Variants in EYS observed in about 807,000 individuals in gnomAD.
EYS encodes the protein EGF-like photoreceptor maintenance factor, also known as protein eyes shut homolog.
EYS carries 250 observed loss-of-function variants against 282.1 expected under a neutral mutation model. The observed-to-expected ratio is 0.89, with a 90% CI of 0.80 to 0.98. EYS has a LOEUF of 0.98. Among genes scored for constraint, EYS ranks in the 50% least tolerant of loss-of-function variants. EYS has a pLI of 0.00. For synonymous variants in EYS, 1,355 were observed against 1,282.9 expected (o/e 1.06, Z -1.20); for missense variants, 4,016 against 3,709.0 (o/e 1.08, Z -2.15).
At position 64,467,374 on chromosome 6, in the gene EYS, T is replaced by C. The variant is rs188061354; in HGVS notation, c.5645-28022A>G. Reference sequence around the variant, plus strand: ...ATTTGAAAAACTGATTTGACATAATTAAGAAAAATTTAATTTTTTTACCCT... The same window carrying C: ...ATTTGAAAAACTGATTTGACATAATCAAGAAAAATTTAATTTTTTTACCCT... On this transcript the variant is annotated intron_variant, in intron 26 of 42. Coordinates refer to ENST00000503581, the MANE Select transcript of EYS (RefSeq NM_001142800.2). Among the ~76,000 whole-genome samples, 5 of 152,298 alleles carry C rather than the reference T, an allele frequency of 3.3e-5. No individual in the cohort carries two copies. The East Asian group carries it at 9.6e-4, about 29-fold the overall frequency.
chr6:65,295,709 T>A, intron 12 of EYS, 154 bp downstream of exon 12: 3 of 588,304 alleles, frequency 5.1e-6, no homozygotes, highest in Non-Finnish European at 8.0e-6. Context: ...ATTATTCAAG[T>A]GAATGCATTT....
chr6:64,783,119 G>A (rs1773911586), intron 22 of EYS, among the ~76,000 whole-genome samples: 1 of 152,050 alleles, frequency 6.6e-6, no homozygotes, highest in Non-Finnish European at 1.5e-5. Context: ...CAGTCACATA[G>A]CAGCCATCTT....
intron 14 of EYS, among the ~76,000 whole-genome samples, chr6:64,989,486 T>TAA (rs1216944673): frequency 1.9e-4 from 24 of 125,502 alleles, no homozygotes; most frequent in Non-Finnish European, 3.2e-4. Flanking sequence ...TATATATATA[T>TAA]AAGAATATAT....
intron 22 of EYS, among the ~76,000 whole-genome samples, chr6:64,761,046 A>AT (rs1255889386): frequency 6.6e-6 from 1 of 152,182 alleles, no homozygotes; most frequent in East Asian, 1.9e-4. Context: ...TTTCTGTCAC[A>AT]TTTTTCTACC....
chr6:64,123,730 C>T (rs1169979175), intron 31 of EYS, among the ~76,000 whole-genome samples: 1 of 152,140 alleles, frequency 6.6e-6, no homozygotes, highest in East Asian at 1.9e-4. Context: ...GAAATGTCCC[C>T]TTTAGGGCCT....
intron 5 of EYS, among the ~76,000 whole-genome samples, chr6:65,452,710 T>A (rs1005800885): frequency 1.3e-5 from 2 of 152,066 alleles, no homozygotes; most frequent in Admixed American, 1.3e-4. Flanking sequence ...TATTCCAGCC[T>A]GAGGGAACTA....
intron 12 of EYS, among the ~76,000 whole-genome samples, chr6:65,064,555 T>C (rs1773685975): frequency 6.8e-6 from 1 of 147,864 alleles, no homozygotes; most frequent in African/African-American, 2.5e-5. Context: ...ACTAATATAC[T>C]CTGCTATATA....
intron 2 of EYS, among the ~76,000 whole-genome samples, chr6:65,625,724 T>G (rs1273052476): frequency 6.6e-6 from 1 of 152,222 alleles, no homozygotes; most frequent in Admixed American, 6.5e-5. Context: ...AATTGAAAAC[T>G]TGCATCAAAC....
chr6:65,136,415 G>T (rs533292194), intron 12 of EYS, among the ~76,000 whole-genome samples: 5 of 151,904 alleles, frequency 3.3e-5, no homozygotes, highest in African/African-American at 1.2e-4. Flanking sequence ...TTTATAGTTA[G>T]AATTATTTCT....
intron 2 of EYS, among the ~76,000 whole-genome samples, chr6:65,550,089 T>C (rs555210699): frequency 2.6e-5 from 4 of 151,220 alleles, no homozygotes; most frequent in African/African-American, 9.7e-5. Context: ...CTTTTGTAGC[T>C]GAACCTGTTT....
intron 15 of EYS, among the ~76,000 whole-genome samples, chr6:64,913,617 A>G (rs1262403199): frequency 3.3e-5 from 5 of 152,160 alleles, no homozygotes; most frequent in African/African-American, 1.2e-4. Context: ...GTAGGATTCC[A>G]CAGTGTATAT....
intron 28 of EYS, among the ~76,000 whole-genome samples, chr6:64,408,169 A>C (rs2150441530): frequency 6.6e-6 from 1 of 152,008 alleles, no homozygotes; most frequent in Admixed American, 6.6e-5. Context: ...ATAAATAATG[A>C]GTTAATAATA....
intron 12 of EYS, among the ~76,000 whole-genome samples, chr6:65,239,113 T>TA (rs1264156101): frequency 6.6e-6 from 1 of 151,988 alleles, no homozygotes; most frequent in East Asian, 1.9e-4. Flanking sequence ...ATTTCTGGTT[T>TA]AAAAAATGTG....
intron 2 of EYS, among the ~76,000 whole-genome samples, chr6:65,536,751 A>G (rs540836669): frequency 6.6e-6 from 1 of 152,268 alleles, no homozygotes; most frequent in East Asian, 1.9e-4. Flanking sequence ...CTTATAAAAG[A>G]CATAAAGCAT....
intron 35 of EYS, among the ~76,000 whole-genome samples, chr6:63,908,653 G>T (rs1488305934): frequency 6.6e-6 from 1 of 151,832 alleles, no homozygotes; most frequent in Non-Finnish European, 1.5e-5. Flanking sequence ...GTTTCACAAT[G>T]TTAGCCAGGC....
chr6:64,033,771 ATGT>A (rs1769976301), intron 33 of EYS, among the ~76,000 whole-genome samples: 1 of 151,926 alleles, frequency 6.6e-6, no homozygotes, highest in Non-Finnish European at 1.5e-5. Flanking sequence ...TATGTTGATA[ATGT>A]TGTGTATACA....
chr6:64,404,376 TGA>T (rs913761090), intron 28 of EYS, among the ~76,000 whole-genome samples: 4 of 74,204 alleles, frequency 5.4e-5, no homozygotes, highest in South Asian at 4.1e-4. Flanking sequence ...ATATAGAGTG[TGA>T]GAGTGTGTGT....
intron 26 of EYS, among the ~76,000 whole-genome samples, chr6:64,483,744 G>A (rs76425736): frequency 0.011 from 1,689 of 151,596 alleles, 30 homozygotes; most frequent in East Asian, 0.082. Context: ...TCTAGTGTTA[G>A]CTTCATTAAT....
chr6:65,051,046 C>T (rs1301415250), intron 13 of EYS, among the ~76,000 whole-genome samples: 1 of 151,534 alleles, frequency 6.6e-6, no homozygotes, highest in Admixed American at 6.6e-5. Flanking sequence ...AAGACATTTG[C>T]TTTGCTCAAA....
Sources: gnomAD v4.1 joint callset for allele counts (sites outside exome capture counted in the v4.1 genomes callset) on GRCh38, gnomAD v4.1.1 for gene constraint, MANE v1.5 for transcripts, NCBI Gene and HGNC (gene_info 2026-07-23, HGNC 2026-07-21) for gene names.